The following NTRK3 variants were observed in gnomAD, a reference collection of about 807,000 sequenced individuals.
NTRK3 encodes the protein NT-3 growth factor receptor.
NTRK3 carries 24 observed loss-of-function variants against 91.7 expected under a neutral mutation model. The observed-to-expected ratio is 0.26, with a 90% confidence interval of 0.19 to 0.37. The LOEUF (loss-of-function observed/expected upper bound fraction) is 0.37. Ranked by LOEUF, NTRK3 falls within the 10% of genes least tolerant of loss-of-function variation. The pLI, the probability that NTRK3 is intolerant of heterozygous loss-of-function variation, is 1.00. For missense variants in NTRK3, 880 were observed against 1,068.9 expected, an observed-to-expected ratio of 0.82 and a Z score of 2.46; for synonymous variants, 483 against 404.0, an observed-to-expected ratio of 1.20 and a Z score of -2.34.
At chr15:88,128,616 A>G in intron 11 of NTRK3, 95 bp downstream of exon 11, 1 of 1,300,872 alleles carries the variant, frequency 7.7e-7, no homozygotes, top group South Asian at 1.2e-5. Flanking sequence ...TGGGCCAGGG[A>G]TGATGTGGAA....
At chr15:87,934,059 A>G (rs190464946) in intron 15 of NTRK3, among the ~76,000 whole-genome samples, 1 of 152,308 alleles carries the variant, frequency 6.6e-6, no homozygotes, top group African/African-American at 2.4e-5. Flanking sequence ...CCAGCACCAG[A>G]AGGGGACTAC....
At chr15:87,960,671 G>A (rs562192881) in intron 14 of NTRK3, among the ~76,000 whole-genome samples, 101 of 152,232 alleles carry the variant, frequency 6.6e-4, no homozygotes, top group African/African-American at 2.4e-3. Flanking sequence ...TTTTAGTGGA[G>A]ATGGTGTTTT....
At position 88,174,566 on chromosome 15, in the gene NTRK3, G is replaced by A. The variant is rs904350005; in HGVS notation, c.395+8852C>T. 3.9e-5 allele frequency among the ~76,000 whole-genome samples: 6 copies of A among 152,218 alleles called. No homozygotes were observed. The South Asian group carries it at 1.2e-3, about 32-fold the overall frequency. ...TCCATTTCCAAATGCTGTTCCCTTG[G>A]CAATTTTTTCAGTATACCTGATAAA... On this transcript the variant is annotated intron_variant, in intron 5 of 18. Transcript: ENST00000394480.
intron 17 of NTRK3, among the ~76,000 whole-genome samples, chr15:87,909,929 G>A (rs2066990049): frequency 6.6e-6 from 1 of 152,182 alleles, no homozygotes; most frequent in Non-Finnish European, 1.5e-5. Flanking sequence ...CCAGAGCAGT[G>A]AGAAAATCAG....
chr15:88,100,943 G>A (rs1314315107), intron 13 of NTRK3, among the ~76,000 whole-genome samples: 1 of 152,140 alleles, frequency 6.6e-6, no homozygotes, highest in Non-Finnish European at 1.5e-5. Flanking sequence ...TACCAGTCAG[G>A]ACATAGGCAC....
chr15:87,923,171 T>C (rs977445391), intron 17 of NTRK3, among the ~76,000 whole-genome samples: 1 of 152,254 alleles, frequency 6.6e-6, no homozygotes, highest in Non-Finnish European at 1.5e-5. Context: ...TTCTTCATCC[T>C]TAACTCTGGC....
intron 17 of NTRK3, among the ~76,000 whole-genome samples, chr15:87,903,939 A>G (rs902722252): frequency 6.6e-6 from 1 of 152,196 alleles, no homozygotes; most frequent in Non-Finnish European, 1.5e-5. Context: ...CCACAACCTC[A>G]GTGATGGCTG....
chr15:88,135,182 T>C lies in NTRK3; in HGVS notation c.1123A>G (p.Asn375Asp). Residue 375 changes from asparagine (N) to aspartate (D), a missense_variant, in exon 10 of 19, where the codon AAC becomes GAC. By Grantham distance (23) the Asn-to-Asp change is conservative. Around this residue, in one of 3 missense-constraint regions of NTRK3, gnomAD observed 743 missense variants for 868.6 expected, o/e 0.86. Coordinates refer to ENST00000394480, the Ensembl canonical transcript of NTRK3. ...GGGTTTTTGGCAATGAGGGTATAGTTGCCATTGTTGTAGTGGGTGGGCTTG... is the reference window on the plus strand; with the variant it reads ...GGGTTTTTGGCAATGAGGGTATAGTCGCCATTGTTGTAGTGGGTGGGCTTG... 1 of 1,614,222 alleles carries C rather than the reference T, an allele frequency of 6.2e-7. No individual in the cohort carries two copies. Among genetic ancestry groups the C allele is most frequent in the South Asian group, 1.1e-5 (1 of 91,088 alleles).
chr15:88,014,445 A>C (rs972809856), intron 14 of NTRK3, among the ~76,000 whole-genome samples: 2 of 152,184 alleles, frequency 1.3e-5, no homozygotes, highest in Non-Finnish European at 2.9e-5. Flanking sequence ...TGGATCTCTG[A>C]GATATTTTTC....
At chr15:88,067,676 G>A (rs1400220954) in intron 13 of NTRK3, among the ~76,000 whole-genome samples, 2 of 152,210 alleles carry the variant, frequency 1.3e-5, no homozygotes, top group Admixed American at 6.5e-5. Context: ...CCACCCATTT[G>A]AAGGAAGGTG....
chr15:88,157,541 A>C (rs531648069), intron 5 of NTRK3, among the ~76,000 whole-genome samples: 19 of 151,106 alleles, frequency 1.3e-4, no homozygotes, highest in Non-Finnish European at 1.6e-4. Flanking sequence ...TCCCAGAGCC[A>C]GCAGCCCTTC....
intron 5 of NTRK3, among the ~76,000 whole-genome samples, chr15:88,155,510 T>C (rs1170204914): frequency 6.6e-6 from 1 of 152,238 alleles, no homozygotes; most frequent in Non-Finnish European, 1.5e-5. Context: ...ACAAACTTTG[T>C]GTTAATTTGT....
chr15:88,023,857 A>G (rs1184336897), intron 14 of NTRK3, among the ~76,000 whole-genome samples: 1 of 152,222 alleles, frequency 6.6e-6, no homozygotes, highest in Non-Finnish European at 1.5e-5. Flanking sequence ...CTGCAGGAGT[A>G]GCAGCTGCTG....
chr15:87,930,176 T>A (rs1462234996), intron 16 of NTRK3, among the ~76,000 whole-genome samples: 4 of 152,152 alleles, frequency 2.6e-5, no homozygotes, highest in Non-Finnish European at 5.9e-5. Context: ...CAGTGCACAG[T>A]GGAGAGAGCC....
chr15:87,988,100 T>A (rs919564690), intron 14 of NTRK3, among the ~76,000 whole-genome samples: 1 of 152,134 alleles, frequency 6.6e-6, no homozygotes, highest in Non-Finnish European at 1.5e-5. Context: ...ACAAACACCA[T>A]CTCAGCCAGG....
chr15:88,255,445 C>T lies in NTRK3; in HGVS notation c.248+461G>A, dbSNP rs1308951301. 6.6e-6 allele frequency among the ~76,000 whole-genome samples: 1 copy of T among 152,238 alleles called. No individual in the cohort carries two copies. The highest frequency in any genetic ancestry group is 1.5e-5 in the Non-Finnish European group (1 of 68,044). ...ACCTCGGCTGGATCGCGAGCAGTCC[C>T]TATCTGTCACCTTCCCTGCCGGCTA... On this transcript the variant is annotated intron_variant, in intron 3 of 18. Coordinates refer to ENST00000394480, the Ensembl canonical transcript of NTRK3. This position sits in a 1 kb window ranked among gnomAD's most constrained non-coding sequence, Gnocchi z 4.3.
At position 88,117,582 on chromosome 15, in the gene NTRK3, A is replaced by G. The variant is rs140888700; in HGVS notation, c.1396+8689T>C. On this transcript the variant is annotated intron_variant, in intron 13 of 18. Transcript: ENST00000394480. ...ACCTGTGACCTGACTCTGTGCTCAA[A>G]AGAACCTTAGCTTGGAATTTAATGC... is the stretch of plus-strand genomic sequence containing the variant. 3.3e-5 allele frequency among the ~76,000 whole-genome samples: 5 copies of G among 152,346 alleles called. No homozygotes were observed. The East Asian group carries it at 9.7e-4, about 29-fold the overall frequency.
chr15:88,089,145 G>A (rs1323059846), intron 13 of NTRK3, among the ~76,000 whole-genome samples: 1 of 151,828 alleles, frequency 6.6e-6, no homozygotes, highest in African/African-American at 2.4e-5. Flanking sequence ...GTATGACGGG[G>A]GCGGTGGGGG....
chr15:87,988,127 C>A (rs2074991403), intron 14 of NTRK3, among the ~76,000 whole-genome samples: 1 of 152,146 alleles, frequency 6.6e-6, no homozygotes, highest in Non-Finnish European at 1.5e-5. Flanking sequence ...GGGTTAGCAT[C>A]ATCAGTGTTA....
Sources: gnomAD v4.1 joint callset for allele counts (sites outside exome capture counted in the v4.1 genomes callset) on GRCh38, gnomAD v4.1.1 for gene constraint, gnomAD v4.1.1 regional missense constraint, Gnocchi (gnomAD v3.1) non-coding constraint, MANE v1.5 for transcripts, NCBI Gene and HGNC (gene_info 2026-07-23, HGNC 2026-07-21) for gene names.